Variants in FSTL5 observed in about 807,000 individuals in gnomAD.
FSTL5 encodes the protein follistatin-related protein 5.
In FSTL5, 62 loss-of-function variants were observed where a neutral mutation model predicts 89.1. The observed-to-expected ratio is 0.70, with a 90% CI of 0.57 to 0.86. The LOEUF is 0.86. Ranked by LOEUF, FSTL5 falls within the 40% of genes least tolerant of loss-of-function variation. FSTL5 has a pLI of 0.00. For synonymous variants in FSTL5, 383 were observed against 346.2 expected (o/e 1.11, Z -1.18); for missense variants, 1,057 against 1,001.6 (o/e 1.06, Z -0.75).
intron 9 of FSTL5, among the ~76,000 whole-genome samples, chr4:161,540,668 A>G (rs1418771405): frequency 6.6e-6 from 1 of 151,996 alleles, no homozygotes; most frequent in Non-Finnish European, 1.5e-5. Flanking sequence ...ATCAGTTCTA[A>G]GCCTCCCCAC....
chr4:161,657,840 C>T (rs1736570038), intron 6 of FSTL5, among the ~76,000 whole-genome samples: 1 of 152,164 alleles, frequency 6.6e-6, no homozygotes, highest in Non-Finnish European at 1.5e-5. Context: ...CACTGGCTGA[C>T]ACCTCATTAT....
At chr4:161,994,057 C>T (rs532467992) in intron 3 of FSTL5, among the ~76,000 whole-genome samples, 296 of 152,212 alleles carry the variant, frequency 1.9e-3, no homozygotes, top group Non-Finnish European at 3.5e-3. Flanking sequence ...TCGCTTTCAA[C>T]CTCATGAGGC....
At chr4:161,554,664 T>C (rs1732328845) in intron 8 of FSTL5, among the ~76,000 whole-genome samples, 2 of 151,800 alleles carry the variant, frequency 1.3e-5, no homozygotes, top group Admixed American at 6.6e-5. Flanking sequence ...TTTTCCTTTT[T>C]CTTGATGCTA....
At chr4:161,713,212 T>A (rs1448473086) in intron 6 of FSTL5, among the ~76,000 whole-genome samples, 2 of 152,204 alleles carry the variant, frequency 1.3e-5, no homozygotes, top group Non-Finnish European at 2.9e-5. Context: ...TCAATAATAA[T>A]AGCTAATAGC....
chr4:162,143,731 CA>C (rs1732841712), intron 1 of FSTL5, among the ~76,000 whole-genome samples: 1 of 131,454 alleles, frequency 7.6e-6, no homozygotes, highest in African/African-American at 2.9e-5. Context: ...CACACACACA[CA>C]CACACACACA....
chr4:161,854,171 C>T (rs1029594044), intron 4 of FSTL5, among the ~76,000 whole-genome samples: 1 of 152,108 alleles, frequency 6.6e-6, no homozygotes, highest in Non-Finnish European at 1.5e-5. Flanking sequence ...CTACTGGAAT[C>T]TTAGGAAGGA....
At chr4:161,494,277 G>C (rs1729989809) in intron 12 of FSTL5, among the ~76,000 whole-genome samples, 1 of 152,098 alleles carries the variant, frequency 6.6e-6, no homozygotes, top group Non-Finnish European at 1.5e-5. Flanking sequence ...GAAACATTTT[G>C]ATTCCCTTTC....
chr4:161,520,539 TTA>T (rs1730989351), intron 10 of FSTL5, among the ~76,000 whole-genome samples: 1 of 152,066 alleles, frequency 6.6e-6, no homozygotes, highest in Non-Finnish European at 1.5e-5. Context: ...AACACATAGT[TTA>T]TAATTCAACT....
intron 8 of FSTL5, among the ~76,000 whole-genome samples, chr4:161,547,749 C>A (rs971898222): frequency 1.3e-5 from 2 of 151,754 alleles, no homozygotes; most frequent in African/African-American, 4.8e-5. Context: ...AAAATATTTT[C>A]TTCAGTATGA....
chr4:162,066,623 C>T (rs1399855802), intron 2 of FSTL5, among the ~76,000 whole-genome samples: 2 of 140,132 alleles, frequency 1.4e-5, no homozygotes, highest in Non-Finnish European at 3.1e-5. Context: ...GTGATATTTC[C>T]CTTCCTGTGT....
At chr4:161,704,765 T>A (rs750170486) in intron 6 of FSTL5, among the ~76,000 whole-genome samples, 5 of 152,108 alleles carry the variant, frequency 3.3e-5, no homozygotes, top group Non-Finnish European at 5.9e-5. Context: ...TGCTACCTAC[T>A]TCCTAGAAGG....
intron 5 of FSTL5, among the ~76,000 whole-genome samples, chr4:161,766,578 G>C (rs1186457778): frequency 1.3e-5 from 2 of 152,072 alleles, no homozygotes; most frequent in African/African-American, 4.8e-5. Context: ...ACCCATCATT[G>C]TGTCTTCGGG....
chr4:161,560,284 T>C (rs1732546788), intron 8 of FSTL5, among the ~76,000 whole-genome samples: 1 of 151,932 alleles, frequency 6.6e-6, no homozygotes, highest in African/African-American at 2.4e-5. Context: ...GAATGAAGCT[T>C]ATAGGATGAG....
intron 6 of FSTL5, among the ~76,000 whole-genome samples, chr4:161,680,970 T>C (rs150142557): frequency 6.6e-6 from 1 of 152,038 alleles, no homozygotes; most frequent in Admixed American, 6.6e-5. Context: ...TTCAGTGAAG[T>C]GTAACACTGC....
chr4:161,985,291 C>T (rs529215313), intron 3 of FSTL5, among the ~76,000 whole-genome samples: 5 of 152,204 alleles, frequency 3.3e-5, no homozygotes, highest in Non-Finnish European at 2.9e-5. Flanking sequence ...AGGACATTAA[C>T]ATTCTTCATG....
intron 10 of FSTL5, among the ~76,000 whole-genome samples, chr4:161,524,181 C>A (rs1442718378): frequency 1.3e-5 from 2 of 152,286 alleles, no homozygotes; most frequent in East Asian, 3.9e-4. Flanking sequence ...CCTCTTATCA[C>A]CACAAAGACA....
At chr4:162,074,577 A>C (rs2111318128) in intron 2 of FSTL5, among the ~76,000 whole-genome samples, 1 of 151,892 alleles carries the variant, frequency 6.6e-6, no homozygotes, top group African/African-American at 2.4e-5. Flanking sequence ...GCACTGTGGA[A>C]TTGTTCCATC....
intron 6 of FSTL5, among the ~76,000 whole-genome samples, chr4:161,721,209 C>T (rs1235755273): frequency 2.9e-5 from 4 of 138,326 alleles, no homozygotes; most frequent in East Asian, 2.3e-4. Context: ...ACCCGGGAAG[C>T]GGAGCTTGCA....
intron 10 of FSTL5, among the ~76,000 whole-genome samples, chr4:161,523,436 C>T (rs1731102609): frequency 6.6e-6 from 1 of 152,224 alleles, no homozygotes; most frequent in African/African-American, 2.4e-5. Flanking sequence ...AGTTTTGCTC[C>T]AATTTAATGC....
Sources: allele counts gnomAD v4.1 joint callset (sites outside exome capture counted in the v4.1 genomes callset), GRCh38; gene constraint gnomAD v4.1.1; transcripts MANE v1.5; gene names NCBI Gene and HGNC (gene_info 2026-07-23, HGNC 2026-07-21).